The following OSBPL1A variants were observed in gnomAD, a reference collection of about 807,000 sequenced individuals.
OSBPL1A encodes oxysterol binding protein like 1A.
In OSBPL1A, 80 loss-of-function variants were observed where a neutral mutation model predicts 137.1. That is an observed-to-expected ratio of 0.58 (90% confidence interval 0.49 to 0.70). The LOEUF (loss-of-function observed/expected upper bound fraction) is 0.70. OSBPL1A is among the 30% of genes least tolerant of loss of function. The probability of loss-of-function intolerance (pLI) is 0.00; values close to 1 mark genes in which losing one functional copy is unlikely to be tolerated. For synonymous variants in OSBPL1A, 365 were observed against 389.7 expected (o/e 0.94, Z 0.75); for missense variants, 970 against 1,129.4 (o/e 0.86, Z 2.02).
intron 15 of OSBPL1A, among the ~76,000 whole-genome samples, chr18:24,260,139 G>A (rs1268580513): frequency 6.6e-6 from 1 of 152,048 alleles, no homozygotes; most frequent in Non-Finnish European, 1.5e-5. Context: ...CTACTAGAAT[G>A]GCTATAATTT....
intron 7 of OSBPL1A, among the ~76,000 whole-genome samples, chr18:24,331,695 G>A (rs2851986): frequency 0.17 from 26,172 of 149,618 alleles, 2,545 homozygotes; most frequent in Non-Finnish European, 0.22. Context: ...CGCGCCCGGC[G>A]GCATGTTCCT....
intron 15 of OSBPL1A, among the ~76,000 whole-genome samples, chr18:24,262,114 C>A (rs72884858): frequency 6.6e-6 from 1 of 152,140 alleles, no homozygotes; most frequent in East Asian, 1.9e-4. Flanking sequence ...CTATAATTAG[C>A]GAAATATTTT....
chr18:24,343,994 C>G (rs2091306956), intron 4 of OSBPL1A, among the ~76,000 whole-genome samples: 1 of 152,016 alleles, frequency 6.6e-6, no homozygotes, highest in South Asian at 2.1e-4. Context: ...AGGGCCCTAT[C>G]AAGAGAGAAA....
chr18:24,365,585 A>G lies in OSBPL1A; in HGVS notation c.282+1307T>C, dbSNP rs9959628. The stretch of plus-strand genomic sequence containing the variant: ...GGCGACAGAGCAAGACTCGGTCTCA[A>G]AAAAAAAAAAAAAGTTTAGGAAAGG... On this transcript the variant is annotated intron_variant, in intron 4 of 27. Transcript: ENST00000319481. 9.5e-3 allele frequency among the ~76,000 whole-genome samples: 1,403 copies of G among 148,016 alleles called. 15 individuals carry two copies. The highest frequency in any genetic ancestry group is 0.026 in the African/African-American group (1,068 of 40,704).
At chr18:24,310,515 T>C (rs951151879) in intron 13 of OSBPL1A, among the ~76,000 whole-genome samples, 3 of 139,660 alleles carry the variant, frequency 2.1e-5, no homozygotes, top group African/African-American at 8.2e-5. Context: ...GGCAGGGGAA[T>C]GGCGTGAACC....
intron 5 of OSBPL1A, among the ~76,000 whole-genome samples, chr18:24,341,171 T>C (rs1316514524): frequency 2.0e-5 from 3 of 152,082 alleles, no homozygotes; most frequent in African/African-American, 7.2e-5. Flanking sequence ...AATTTTTAAT[T>C]TTTTTAAAAT....
chr18:24,361,557 G>C (rs886838132), intron 4 of OSBPL1A, among the ~76,000 whole-genome samples: 5 of 152,082 alleles, frequency 3.3e-5, no homozygotes, highest in African/African-American at 1.2e-4. Flanking sequence ...TAGCAGAAAT[G>C]GCCAAATATG....
chr18:24,283,957 T>C (rs2090016590), intron 14 of OSBPL1A, among the ~76,000 whole-genome samples: 2 of 151,932 alleles, frequency 1.3e-5, no homozygotes, highest in South Asian at 4.1e-4. Flanking sequence ...TATATATATA[T>C]GTGTGTGTAT....
chr18:24,332,124 C>A (rs558387890), intron 7 of OSBPL1A, among the ~76,000 whole-genome samples: 1 of 152,010 alleles, frequency 6.6e-6, no homozygotes, highest in East Asian at 1.9e-4. Flanking sequence ...ATCTGTAATC[C>A]CAGCACTTTG....
intron 17 of OSBPL1A, among the ~76,000 whole-genome samples, chr18:24,216,240 T>C (rs180727955): frequency 7.0e-4 from 107 of 152,358 alleles, no homozygotes; most frequent in African/African-American, 2.5e-3. Context: ...GCGCAGTGGC[T>C]CACACCTGTA....
At chr18:24,335,994 C>T (rs28438838) in intron 5 of OSBPL1A, among the ~76,000 whole-genome samples, 6,976 of 152,248 alleles carry the variant, frequency 0.046, 472 homozygotes, top group African/African-American at 0.15. Flanking sequence ...GGATGCACTA[C>T]CTTCAATCTT....
intron 14 of OSBPL1A, among the ~76,000 whole-genome samples, chr18:24,301,997 C>T (rs1403580910): frequency 6.6e-6 from 1 of 152,024 alleles, no homozygotes; most frequent in African/African-American, 2.4e-5. Context: ...GAGAGGCCAA[C>T]GCGGGTGGAT....
intron 26 of OSBPL1A, among the ~76,000 whole-genome samples, chr18:24,165,782 T>C (rs1308543703): frequency 6.6e-6 from 1 of 151,914 alleles, no homozygotes; most frequent in African/African-American, 2.4e-5. Context: ...AACCACTGAG[T>C]TGGAAGAAAT....
intron 2 of OSBPL1A, 24 bp from the exon 3 acceptor site, chr18:24,368,396 A>G (rs953517045): frequency 1.9e-6 from 3 of 1,541,138 alleles, no homozygotes; most frequent in African/African-American, 2.7e-5. Flanking sequence ...AATATAAGGT[A>G]TTTTTAGGTC....
chr18:24,339,058 G>A (rs1000277680), intron 5 of OSBPL1A, among the ~76,000 whole-genome samples: 1 of 151,668 alleles, frequency 6.6e-6, no homozygotes, highest in African/African-American at 2.4e-5. Context: ...TGCAACTTCC[G>A]CCTCCCGGGT....
intron 7 of OSBPL1A, among the ~76,000 whole-genome samples, chr18:24,323,218 G>A (rs1034697944): frequency 1.3e-5 from 2 of 151,964 alleles, no homozygotes; most frequent in African/African-American, 4.8e-5. Flanking sequence ...ATGCGATACT[G>A]TCGAAAGAAG....
intron 4 of OSBPL1A, 84 bp from the exon 5 acceptor site, chr18:24,341,742 G>C: frequency 1.2e-6 from 1 of 805,554 alleles, no homozygotes; most frequent in Non-Finnish European, 2.0e-6. Flanking sequence ...AACTACTACA[G>C]AGTCTCCACA....
At chr18:24,175,126 A>ATGTATATATATATATATATG (rs1342029969) in intron 21 of OSBPL1A, among the ~76,000 whole-genome samples, 3 of 132,556 alleles carry the variant, frequency 2.3e-5, no homozygotes, top group Admixed American at 1.5e-4. Flanking sequence ...ATATATATAT[A>ATGTATATATATATATATATG]TATATATATA....
intron 5 of OSBPL1A, among the ~76,000 whole-genome samples, chr18:24,336,063 C>T (rs2091168814): frequency 6.6e-6 from 1 of 152,152 alleles, no homozygotes; most frequent in African/African-American, 2.4e-5. Context: ...GTGACATCTC[C>T]TATACCTCTC....
Sources: gnomAD v4.1 joint callset for allele counts (sites outside exome capture counted in the v4.1 genomes callset) on GRCh38, gnomAD v4.1.1 for gene constraint, MANE v1.5 for transcripts, NCBI Gene and HGNC (gene_info 2026-07-23, HGNC 2026-07-21) for gene names.